The following TTLL11 variants were observed in gnomAD, a reference collection of about 807,000 sequenced individuals.
TTLL11 encodes tubulin polyglutamylase TTLL11.
Under a neutral mutation model 51.7 loss-of-function variants are expected in TTLL11, and 42 were observed. The observed-to-expected ratio is 0.81, with a 90% CI of 0.64 to 1.05. TTLL11 has a LOEUF of 1.05. Ranked by LOEUF, TTLL11 falls within the 50% of genes least tolerant of loss-of-function variation. The pLI, the probability that TTLL11 is intolerant of heterozygous loss-of-function variation, is 0.00. For missense variants in TTLL11, 799 were observed against 940.4 expected (o/e 0.85, Z 1.97); for synonymous variants, 381 against 383.5 (o/e 0.99, Z 0.08).
intron 3 of TTLL11, among the ~76,000 whole-genome samples, chr9:122,030,207 G>GC (rs971853328): frequency 1.4e-5 from 2 of 146,770 alleles, no homozygotes; most frequent in East Asian, 2.1e-4. Context: ...GACATTGGGG[G>GC]GGGGGGGGTA....
chr9:121,985,571 C>G (rs1230146371), intron 4 of TTLL11, among the ~76,000 whole-genome samples: 1 of 137,168 alleles, frequency 7.3e-6, no homozygotes, highest in Non-Finnish European at 1.5e-5. Flanking sequence ...GGCTGGAGTG[C>G]AGTGGCGCGA....
intron 6 of TTLL11, among the ~76,000 whole-genome samples, chr9:121,925,705 T>TCAGAGA (rs1041774268): frequency 1.3e-5 from 2 of 152,180 alleles, no homozygotes; most frequent in Admixed American, 1.3e-4. Context: ...GGACTGCAAG[T>TCAGAGA]CAGCAGCAGG....
At chr9:121,886,824 A>G (rs1187871233) in intron 6 of TTLL11, among the ~76,000 whole-genome samples, 1 of 152,194 alleles carries the variant, frequency 6.6e-6, no homozygotes, top group Non-Finnish European at 1.5e-5. Flanking sequence ...ATTCTCAGTC[A>G]ATATCCTGGA....
chr9:121,958,068 T>G (rs1842077813), intron 6 of TTLL11, among the ~76,000 whole-genome samples: 1 of 152,228 alleles, frequency 6.6e-6, no homozygotes, highest in Admixed American at 6.5e-5. Flanking sequence ...GAGATCTGCT[T>G]CAGTGCCTTA....
At chr9:122,061,533 T>C (rs754568889) in intron 1 of TTLL11, among the ~76,000 whole-genome samples, 15 of 152,254 alleles carry the variant, frequency 9.9e-5, no homozygotes, top group Non-Finnish European at 1.9e-4. Context: ...CCACTAAATA[T>C]TGCTAAATAT....
intron 6 of TTLL11, among the ~76,000 whole-genome samples, chr9:121,943,268 T>A (rs1841556199): frequency 6.6e-6 from 1 of 152,204 alleles, no homozygotes. Context: ...AACTGTATTA[T>A]AATTACTTAT....
chr9:122,080,013 C>T (rs1461054877), intron 1 of TTLL11, among the ~76,000 whole-genome samples: 1 of 152,108 alleles, frequency 6.6e-6, no homozygotes, highest in Non-Finnish European at 1.5e-5. Flanking sequence ...GAAAGCCAAG[C>T]ATGTCTACTG....
At chr9:121,924,017 G>T (rs1840629887) in intron 6 of TTLL11, among the ~76,000 whole-genome samples, 1 of 152,110 alleles carries the variant, frequency 6.6e-6, no homozygotes, top group South Asian at 2.1e-4. Context: ...ATTCTCTCTT[G>T]CCTGCTGACA....
At chr9:121,964,663 T>C (rs527457848) in intron 6 of TTLL11, among the ~76,000 whole-genome samples, 1 of 152,144 alleles carries the variant, frequency 6.6e-6, no homozygotes, top group South Asian at 2.1e-4. Context: ...CCCACCTTCC[T>C]CTCTCCTAAT....
intron 3 of TTLL11, among the ~76,000 whole-genome samples, chr9:122,023,182 CCAATA>C (rs1401572110): frequency 6.6e-6 from 1 of 151,782 alleles, no homozygotes; most frequent in African/African-American, 2.4e-5. Flanking sequence ...TCATTTTACA[CCAATA>C]CAAGTGAAAA....
At chr9:121,941,242 T>C (rs1841452300) in intron 6 of TTLL11, among the ~76,000 whole-genome samples, 1 of 152,254 alleles carries the variant, frequency 6.6e-6, no homozygotes, top group South Asian at 2.1e-4. Flanking sequence ...GAGCCCTGAG[T>C]ACTGCAAAAT....
intron 3 of TTLL11, among the ~76,000 whole-genome samples, chr9:122,008,205 G>A (rs1020891494): frequency 1.3e-5 from 2 of 152,164 alleles, no homozygotes; most frequent in African/African-American, 4.8e-5. Context: ...AACCAAATGT[G>A]ATGCACAATC....
intron 6 of TTLL11, among the ~76,000 whole-genome samples, chr9:121,927,750 G>A (rs550663395): frequency 6.6e-6 from 1 of 152,026 alleles, no homozygotes; most frequent in Non-Finnish European, 1.5e-5. Flanking sequence ...CCTAAGGAGT[G>A]CTCTGAATAG....
intron 3 of TTLL11, among the ~76,000 whole-genome samples, chr9:121,993,377 T>G (rs1843167679): frequency 6.6e-6 from 1 of 152,242 alleles, no homozygotes; most frequent in Non-Finnish European, 1.5e-5. Context: ...GAGATAGTAC[T>G]ATAGTGAAAA....
At chr9:122,079,937 G>A (rs186018108) in intron 1 of TTLL11, among the ~76,000 whole-genome samples, 4 of 152,016 alleles carry the variant, frequency 2.6e-5, no homozygotes, top group East Asian at 1.9e-4. Flanking sequence ...CGACTAGCCC[G>A]GGCAACATAG....
At chr9:121,826,467 GTA>G (rs374014946) in intron 8 of TTLL11, among the ~76,000 whole-genome samples, 24,229 of 96,534 alleles carry the variant, frequency 0.25, 4,170 homozygotes, top group Middle Eastern at 0.31. Context: ...ATATATGTGT[GTA>G]TATATATATA....
At chr9:121,966,410 A>T (rs532393723) in intron 6 of TTLL11, among the ~76,000 whole-genome samples, 108 of 152,312 alleles carry the variant, frequency 7.1e-4, no homozygotes, top group African/African-American at 2.3e-3. Context: ...ATTCTTGAGA[A>T]AGGAGTCCAG....
At chr9:121,877,490 C>T (rs1309227386) in intron 6 of TTLL11, among the ~76,000 whole-genome samples, 1 of 152,124 alleles carries the variant, frequency 6.6e-6, no homozygotes, top group Admixed American at 6.5e-5. Flanking sequence ...ATCCAAGTCC[C>T]TCTAAGACCT....
chr9:122,008,325 C>T (rs1392453001), intron 3 of TTLL11, among the ~76,000 whole-genome samples: 1 of 152,154 alleles, frequency 6.6e-6, no homozygotes, highest in African/African-American at 2.4e-5. Flanking sequence ...ATTTGCAAAC[C>T]AGACATCTGA....
Sources: allele counts gnomAD v4.1 joint callset (sites outside exome capture counted in the v4.1 genomes callset), GRCh38; gene constraint gnomAD v4.1.1; transcripts MANE v1.5; gene names NCBI Gene and HGNC (gene_info 2026-07-23, HGNC 2026-07-21).